The following USP9X variants were observed in gnomAD, a reference collection of about 807,000 sequenced individuals.
The protein encoded by USP9X is ubiquitin specific peptidase 9 X-linked, also known as ubiquitin carboxyl-terminal hydrolase 9X.
A neutral mutation model predicts 190.3 loss-of-function variants in USP9X; 7 were observed. The observed-to-expected ratio is 0.04, with a 90% CI of 0.02 to 0.07. The LOEUF (loss-of-function observed/expected upper bound fraction) is 0.07. Ranked by LOEUF, USP9X falls within the 10% of genes least tolerant of loss-of-function variation. The probability of loss-of-function intolerance (pLI) is 1.00; values close to 1 mark genes in which losing one functional copy is unlikely to be tolerated. For missense variants in USP9X, 1,010 were observed against 1,916.9 expected, an observed-to-expected ratio of 0.53 and a Z score of 8.83; for synonymous variants, 645 against 659.5, an observed-to-expected ratio of 0.98 and a Z score of 0.34.
At chrX:41,095,215 G>A (rs868150324) in intron 1 of USP9X, among the ~76,000 whole-genome samples, 13 of 111,805 alleles carry the variant, frequency 1.2e-4, no homozygotes, top group African/African-American at 4.2e-4. Context: ...AATTACAGCT[G>A]TATTAAGTGG....
intron 1 of USP9X, among the ~76,000 whole-genome samples, chrX:41,096,893 A>G (rs1199147054): frequency 8.9e-6 from 1 of 112,303 alleles, no homozygotes; most frequent in Non-Finnish European, 1.9e-5. Context: ...CTTTATTCCT[A>G]AAGATGTGGA....
intron 1 of USP9X, 105 bp from the exon 2 acceptor site, chrX:41,123,366 C>T (rs936086184): frequency 2.2e-5 from 7 of 312,989 alleles, no homozygotes; most frequent in Middle Eastern, 9.4e-4. Context: ...TTTGTATAGC[C>T]CCTTTTTCCT....
chrX:41,121,031 A>T (rs2062187144), intron 1 of USP9X, among the ~76,000 whole-genome samples: 1 of 103,809 alleles, frequency 9.6e-6, no homozygotes, highest in African/African-American at 3.6e-5. Flanking sequence ...TATTTTTAGT[A>T]GAGATGGGGT....
chrX:41,098,191 AGT>A (rs1226962277), intron 1 of USP9X, among the ~76,000 whole-genome samples: 1 of 98,246 alleles, frequency 1.0e-5, no homozygotes, highest in Non-Finnish European at 2.0e-5. Flanking sequence ...CCCAGGCTGG[AGT>A]GCAGTGGTGT....
chrX:41,214,056 C>G (rs1228075588), intron 33 of USP9X, among the ~76,000 whole-genome samples: 1 of 112,420 alleles, frequency 8.9e-6, no homozygotes, highest in Non-Finnish European at 1.9e-5. Context: ...CTAGCTCCTT[C>G]TCAGGTTGCT....
intron 26 of USP9X, among the ~76,000 whole-genome samples, chrX:41,192,882 G>A (rs766388782): frequency 1.8e-5 from 2 of 111,443 alleles, no homozygotes; most frequent in East Asian, 5.6e-4. Flanking sequence ...AGCAGGAAAA[G>A]GGGCTGTGTA....
intron 14 of USP9X, among the ~76,000 whole-genome samples, chrX:41,158,148 A>G: frequency 9.0e-6 from 1 of 111,077 alleles, no homozygotes; most frequent in East Asian, 2.8e-4. Context: ...CATGAAGGGG[A>G]CCAACATTAA....
chrX:41,086,272 T>TGGGCGGGC (rs1415522537), intron 1 of USP9X, among the ~76,000 whole-genome samples, 163 bp downstream of exon 1: 2 of 109,536 alleles, frequency 1.8e-5, no homozygotes, highest in African/African-American at 6.7e-5. Flanking sequence ...CGGCCCGGGC[T>TGGGCGGGC]GGGCGGGCGC....
chrX:41,119,846 A>G (rs1327387836), intron 1 of USP9X, among the ~76,000 whole-genome samples: 1 of 112,214 alleles, frequency 8.9e-6, no homozygotes, highest in Non-Finnish European at 1.9e-5. Flanking sequence ...GAAAATAATC[A>G]TTCACATAAT....
At chrX:41,108,181 C>T (rs2062083652) in intron 1 of USP9X, among the ~76,000 whole-genome samples, 1 of 111,996 alleles carries the variant, frequency 8.9e-6, no homozygotes, top group African/African-American at 3.3e-5. Context: ...TACCCCTCAG[C>T]CTGTGATGTT....
chrX:41,189,650 C>CCTG, intron 26 of USP9X, 175 bp downstream of exon 26: 1 of 392,368 alleles, frequency 2.5e-6, no homozygotes, highest in Non-Finnish European at 4.2e-6. Flanking sequence ...TGGTTTTAGT[C>CCTG]TCTGCAAATG....
At chrX:41,195,271 C>G (rs2062973250) in intron 26 of USP9X, among the ~76,000 whole-genome samples, 1 of 110,798 alleles carries the variant, frequency 9.0e-6, no homozygotes, top group Non-Finnish European at 1.9e-5. Flanking sequence ...TCTTGACCTC[C>G]TGATCCGTCC....
rs956934410 is a variant in USP9X, at chrX:41,131,651, C to T, written c.322+115C>T. 8.5e-6 allele frequency: 5 copies of T among 586,979 alleles called. No homozygotes were observed. The African/African-American group carries it at 9.3e-5, about 11-fold the overall frequency. 48.4% of individuals were successfully genotyped at this position (586,979 alleles called of 1,213,427 possible). ...CCTCCATCATAAACACATACTGCAG[C>T]TTGCAAGGAGGGGCTCATATCCTTT... On this transcript the variant is annotated intron_variant, in intron 4 of 44. Coordinates refer to ENST00000378308, the MANE Select transcript of USP9X (RefSeq NM_001039591.3).
intron 1 of USP9X, among the ~76,000 whole-genome samples, chrX:41,105,511 A>G (rs1475609808): frequency 8.9e-6 from 1 of 112,046 alleles, no homozygotes; most frequent in Non-Finnish European, 1.9e-5. Context: ...ATTATTTTCC[A>G]TTGTTTGTAT....
chrX:41,232,362 A>C, intron 44 of USP9X, 25 bp from the exon 45 acceptor site: 1 of 1,199,414 alleles, frequency 8.3e-7, no homozygotes. Flanking sequence ...AAGTTTTAAC[A>C]TACAGATCTT....
rs755866120 is a variant in USP9X at position 41,134,720 on chromosome X, C to T, written c.323-5C>T. 1 of 1,199,129 alleles carries T rather than the reference C, an allele frequency of 8.3e-7. No individual in the cohort carries two copies. Among genetic ancestry groups the T allele is most frequent in the African/African-American group, 1.7e-5 (1 of 57,392 alleles). Reference sequence around the variant, plus strand: ...TTTGCATTAATTTTTCTCCCTTTTTCTTAGGCCTTGATGTTAAAAGTGAAG... The same window carrying T: ...TTTGCATTAATTTTTCTCCCTTTTTTTTAGGCCTTGATGTTAAAAGTGAAG... On this transcript the variant is annotated splice_polypyrimidine_tract_variant and splice_region_variant and intron_variant, in intron 4 of 44. Transcript: ENST00000378308.
chrX:41,192,272 A>C (rs1425087705), intron 26 of USP9X, among the ~76,000 whole-genome samples: 1 of 112,482 alleles, frequency 8.9e-6, no homozygotes. Flanking sequence ...GTTTCAACTT[A>C]AATGCCACAT....
chrX:41,229,108 AAAAT>A, intron 41 of USP9X, 141 bp from the exon 42 acceptor site: 1 of 407,840 alleles, frequency 2.5e-6, no homozygotes, highest in Admixed American at 5.4e-5. Context: ...AAATAAATAA[AAAAT>A]AAAGGTTTAA....
At chrX:41,196,215 A>G in intron 26 of USP9X, 36 bp from the exon 27 acceptor site, 1 of 1,189,236 alleles carries the variant, frequency 8.4e-7, no homozygotes, top group Non-Finnish European at 1.1e-6. Context: ...TTAAAATGGA[A>G]ATAATGTATT....
Sources: allele counts gnomAD v4.1 joint callset (sites outside exome capture counted in the v4.1 genomes callset), GRCh38; gene constraint gnomAD v4.1.1; transcripts MANE v1.5; gene names NCBI Gene and HGNC (gene_info 2026-07-23, HGNC 2026-07-21).